GPC5: variants seen among roughly 807,000 people sequenced by gnomAD.
GPC5 encodes glypican 5, also known as glypican-5.
GPC5 carries 47 observed loss-of-function variants against 53.9 expected under a neutral mutation model. The ratio of observed to expected loss-of-function variants is 0.87; its 90% CI spans 0.69 to 1.11. The LOEUF (loss-of-function observed/expected upper bound fraction) is 1.11, where lower values mean the gene tolerates loss of function less well. GPC5 is among the 50% of genes most tolerant of loss of function. GPC5 has a pLI of 0.00. For synonymous variants in GPC5, 286 were observed against 263.3 expected (o/e 1.09, Z -0.84); for missense variants, 748 against 713.1 (o/e 1.05, Z -0.56).
At chr13:91,717,808 G>T (rs920061067) in intron 3 of GPC5, among the ~76,000 whole-genome samples, 1 of 152,028 alleles carries the variant, frequency 6.6e-6, no homozygotes, top group African/African-American at 2.4e-5. Context: ...GCCCACCTCG[G>T]CTTCCCAAAG....
At chr13:91,543,839 C>T (rs2030114932) in intron 2 of GPC5, among the ~76,000 whole-genome samples, 1 of 152,034 alleles carries the variant, frequency 6.6e-6, no homozygotes, top group African/African-American at 2.4e-5. Flanking sequence ...CTATATTTTC[C>T]TTATCAAAAG....
At chr13:92,592,897 G>A (rs1246746440) in intron 7 of GPC5, among the ~76,000 whole-genome samples, 5 of 151,006 alleles carry the variant, frequency 3.3e-5, no homozygotes, top group African/African-American at 7.3e-5. Flanking sequence ...GCCCTCATGC[G>A]TGCCCCTAGC....
chr13:92,576,515 A>G (rs1380592966), intron 7 of GPC5, among the ~76,000 whole-genome samples: 4 of 152,352 alleles, frequency 2.6e-5, no homozygotes, highest in Middle Eastern at 6.8e-3. Context: ...GGTGTTCATC[A>G]CTAAAGCAAC....
chr13:91,866,389 T>C (rs2039085345), intron 5 of GPC5, among the ~76,000 whole-genome samples: 1 of 152,120 alleles, frequency 6.6e-6, no homozygotes, highest in Non-Finnish European at 1.5e-5. Flanking sequence ...GTGTTGGAGG[T>C]GGGCTTAGTA....
intron 7 of GPC5, among the ~76,000 whole-genome samples, chr13:92,173,231 G>T (rs1566469224): frequency 6.6e-6 from 1 of 151,950 alleles, no homozygotes; most frequent in Non-Finnish European, 1.5e-5. Flanking sequence ...TAAAAACAGA[G>T]ATCGGCCATT....
intron 7 of GPC5, among the ~76,000 whole-genome samples, chr13:92,797,879 A>C (rs1301859758): frequency 2.6e-5 from 4 of 151,600 alleles, no homozygotes; most frequent in Middle Eastern, 3.2e-3. Flanking sequence ...ATGATAGATG[A>C]TAGATAGTAG....
At chr13:92,543,781 A>G (rs1882009971) in intron 7 of GPC5, among the ~76,000 whole-genome samples, 2 of 152,036 alleles carry the variant, frequency 1.3e-5, no homozygotes, top group Admixed American at 6.6e-5. Context: ...TATCTTTTCA[A>G]TATATTTGAA....
At chr13:92,323,556 C>T (rs1236092489) in intron 7 of GPC5, among the ~76,000 whole-genome samples, 32 of 151,498 alleles carry the variant, frequency 2.1e-4, no homozygotes, top group Admixed American at 2.1e-3. Flanking sequence ...TTTTTATGCA[C>T]ATTGTATTAT....
intron 7 of GPC5, among the ~76,000 whole-genome samples, chr13:92,499,748 G>A (rs1453359487): frequency 6.6e-6 from 1 of 152,110 alleles, no homozygotes; most frequent in Non-Finnish European, 1.5e-5. Flanking sequence ...TAACTCGGTA[G>A]GGAAATATTC....
chr13:92,280,680 C>T (rs2042908080), intron 7 of GPC5, among the ~76,000 whole-genome samples: 1 of 152,054 alleles, frequency 6.6e-6, no homozygotes, highest in Non-Finnish European at 1.5e-5. Flanking sequence ...TTTAAAGGGG[C>T]AGTTAAGGTA....
At chr13:91,656,704 C>T (rs530800557) in intron 2 of GPC5, among the ~76,000 whole-genome samples, 39 of 152,288 alleles carry the variant, frequency 2.6e-4, no homozygotes, top group Admixed American at 2.4e-3. Flanking sequence ...GACCAATCCA[C>T]GACTGGCCTA....
At chr13:92,231,319 G>A (rs1433264630) in intron 7 of GPC5, among the ~76,000 whole-genome samples, 1 of 152,138 alleles carries the variant, frequency 6.6e-6, no homozygotes, top group Non-Finnish European at 1.5e-5. Flanking sequence ...CACAGTGCAT[G>A]TTATCTCTCT....
chr13:91,468,817 G>A (rs1484266967), intron 2 of GPC5, among the ~76,000 whole-genome samples: 2 of 150,402 alleles, frequency 1.3e-5, no homozygotes, highest in East Asian at 1.9e-4. Flanking sequence ...AGAAAATTTA[G>A]CCAATAAAAT....
intron 2 of GPC5, among the ~76,000 whole-genome samples, chr13:91,525,033 TTGAG>T (rs1456606233): frequency 6.6e-6 from 1 of 152,190 alleles, no homozygotes; most frequent in Non-Finnish European, 1.5e-5. Flanking sequence ...GCACAGTACG[TTGAG>T]TGTCAGAAAC....
chr13:91,807,915 A>G (rs918015503), intron 5 of GPC5, among the ~76,000 whole-genome samples: 4 of 152,148 alleles, frequency 2.6e-5, no homozygotes, highest in Admixed American at 6.6e-5. Flanking sequence ...TTTAACCACA[A>G]GGTTTCTTAA....
intron 7 of GPC5, among the ~76,000 whole-genome samples, chr13:92,631,779 T>C (rs769992169): frequency 3.9e-5 from 6 of 152,114 alleles, no homozygotes; most frequent in Non-Finnish European, 8.8e-5. Context: ...AAGTGCAAAA[T>C]TCTCACCTAA....
intron 6 of GPC5, among the ~76,000 whole-genome samples, chr13:92,132,841 C>G (rs1170055182): frequency 1.3e-5 from 2 of 151,946 alleles, no homozygotes; most frequent in African/African-American, 4.8e-5. Flanking sequence ...CAAAATTAGC[C>G]TAAAATGGAA....
At chr13:92,667,671 ACTT>A (rs1208466408) in intron 7 of GPC5, among the ~76,000 whole-genome samples, 3 of 152,106 alleles carry the variant, frequency 2.0e-5, no homozygotes, top group African/African-American at 7.2e-5. Flanking sequence ...TTGCTCTAAA[ACTT>A]CTGCCATTCA....
intron 7 of GPC5, among the ~76,000 whole-genome samples, chr13:92,166,642 T>TGG (rs2139013803): frequency 6.6e-6 from 1 of 152,220 alleles, no homozygotes; most frequent in Admixed American, 6.5e-5. Flanking sequence ...CATTGACTGT[T>TGG]TACAGGTTTG....
Sources: gnomAD v4.1 joint callset for allele counts (sites outside exome capture counted in the v4.1 genomes callset) on GRCh38, gnomAD v4.1.1 for gene constraint, MANE v1.5 for transcripts, NCBI Gene and HGNC (gene_info 2026-07-23, HGNC 2026-07-21) for gene names.